The following TANGO6 variants were observed in gnomAD, a reference collection of about 807,000 sequenced individuals.
The protein encoded by TANGO6 is transport and golgi organization 6 homolog, also known as transport and Golgi organization protein 6 homolog.
TANGO6 carries 90 observed loss-of-function variants against 114.2 expected under a neutral mutation model. That is an observed-to-expected ratio of 0.79 (90% CI 0.66 to 0.94). The LOEUF (loss-of-function observed/expected upper bound fraction) is 0.94, where lower values mean the gene tolerates loss of function less well. TANGO6 is among the 40% of genes least tolerant of loss of function. The pLI is 0.00. For missense variants in TANGO6, 1,274 were observed against 1,315.3 expected, an observed-to-expected ratio of 0.97 and a Z score of 0.49; for synonymous variants, 477 against 509.8, an observed-to-expected ratio of 0.94 and a Z score of 0.87.
At chr16:69,074,812 G>GTGTA (rs1960348914) in intron 17 of TANGO6, among the ~76,000 whole-genome samples, 1 of 146,392 alleles carries the variant, frequency 6.8e-6, no homozygotes, top group Non-Finnish European at 1.5e-5. Context: ...GTGTGTGTGT[G>GTGTA]TGTGTGTGTG....
chr16:69,048,508 A>G (rs1959897419), intron 17 of TANGO6, among the ~76,000 whole-genome samples: 1 of 151,964 alleles, frequency 6.6e-6, no homozygotes, highest in Non-Finnish European at 1.5e-5. Flanking sequence ...GGCTCAAGCA[A>G]TCCTCCTGCC....
intron 7 of TANGO6, among the ~76,000 whole-genome samples, chr16:68,882,877 A>G (rs1962484728): frequency 1.3e-5 from 2 of 151,854 alleles, no homozygotes; most frequent in Non-Finnish European, 2.9e-5. Context: ...AATTAGCCGG[A>G]CGTTGTGGTA....
chr16:68,921,513 T>G (rs961070861), intron 12 of TANGO6, among the ~76,000 whole-genome samples: 1 of 151,926 alleles, frequency 6.6e-6, no homozygotes, highest in Admixed American at 6.6e-5. Flanking sequence ...CTTATTGGAT[T>G]TAGTTGGCCA....
intron 14 of TANGO6, among the ~76,000 whole-genome samples, chr16:68,934,587 G>T (rs1963281901): frequency 1.3e-5 from 2 of 152,118 alleles, no homozygotes; most frequent in South Asian, 4.1e-4. Context: ...AGATAGGCCT[G>T]GGGGTCCAGG....
At chr16:68,905,551 T>G (rs939384701) in intron 9 of TANGO6, among the ~76,000 whole-genome samples, 1 of 148,686 alleles carries the variant, frequency 6.7e-6, no homozygotes, top group African/African-American at 2.5e-5. Flanking sequence ...AAAAAAAAGT[T>G]AAAAAAATAG....
chr16:68,930,310 G>C lies in TANGO6; in HGVS notation c.2701+15G>C. On this transcript the variant is annotated intron_variant, in intron 14 of 17. Transcript: ENST00000261778. The stretch of plus-strand genomic sequence containing the variant: ...TGCAATTCAGGGTAAGTCAGTCCTG[G>C]TTAAAGGACTTTAAGTATGTGGACC... The C allele has an allele frequency of 6.5e-7, 1 of 1,547,130 alleles. No individual in the cohort carries two copies.
chr16:68,902,256 CT>C, intron 8 of TANGO6, 71 bp from the exon 9 acceptor site: 4 of 1,461,664 alleles, frequency 2.7e-6, no homozygotes, highest in Non-Finnish European at 2.8e-6. Flanking sequence ...GCCTTTCTTT[CT>C]TTTTTTATGT....
intron 15 of TANGO6, among the ~76,000 whole-genome samples, chr16:69,018,470 A>G (rs1959343955): frequency 6.6e-6 from 1 of 151,400 alleles, no homozygotes; most frequent in African/African-American, 2.4e-5. Context: ...AATGCAATAT[A>G]TCATAGGAGT....
At chr16:68,911,116 ATTTAT>A (rs1366355704) in intron 11 of TANGO6, among the ~76,000 whole-genome samples, 1 of 151,862 alleles carries the variant, frequency 6.6e-6, no homozygotes, top group Non-Finnish European at 1.5e-5. Flanking sequence ...AGACCCTATA[ATTTAT>A]TTTATTTTAT....
intron 17 of TANGO6, among the ~76,000 whole-genome samples, chr16:69,067,424 C>T (rs895765711): frequency 2.7e-5 from 4 of 149,344 alleles, no homozygotes; most frequent in Non-Finnish European, 5.9e-5. Context: ...GCAGGAGAAT[C>T]GCTTGAACCT....
chr16:69,070,608 G>C (rs554338968), intron 17 of TANGO6, among the ~76,000 whole-genome samples: 1 of 149,246 alleles, frequency 6.7e-6, no homozygotes, highest in Non-Finnish European at 1.5e-5. Context: ...ACTCCAGCCC[G>C]GGTGACAGAG....
At chr16:69,011,687 G>A (rs1030492824) in intron 15 of TANGO6, among the ~76,000 whole-genome samples, 2 of 152,064 alleles carry the variant, frequency 1.3e-5, no homozygotes, top group Non-Finnish European at 1.5e-5. Context: ...TGAACTCCTG[G>A]CCTCAAGCCA....
At chr16:68,912,464 T>C (rs1962936932) in intron 11 of TANGO6, among the ~76,000 whole-genome samples, 2 of 151,580 alleles carry the variant, frequency 1.3e-5, no homozygotes, top group African/African-American at 4.9e-5. Context: ...TGAAATCCCA[T>C]CTCTACTAAA....
chr16:69,017,549 C>T (rs1255764161), intron 15 of TANGO6, among the ~76,000 whole-genome samples: 1 of 152,136 alleles, frequency 6.6e-6, no homozygotes, highest in South Asian at 2.1e-4. Flanking sequence ...TTAACCACAA[C>T]AGCCTCCCAC....
chr16:68,994,309 T>G (rs948922676), intron 15 of TANGO6, among the ~76,000 whole-genome samples: 1 of 152,216 alleles, frequency 6.6e-6, no homozygotes, highest in Non-Finnish European at 1.5e-5. Context: ...AACATCCTTT[T>G]GCAAGTCTAA....
At chr16:68,946,661 C>T (rs1963417799) in intron 14 of TANGO6, among the ~76,000 whole-genome samples, 1 of 151,996 alleles carries the variant, frequency 6.6e-6, no homozygotes, top group African/African-American at 2.4e-5. Context: ...ACCACCATGC[C>T]CAGCTAATTT....
intron 12 of TANGO6, among the ~76,000 whole-genome samples, chr16:68,925,757 G>A (rs1963158482): frequency 6.6e-6 from 1 of 151,928 alleles, no homozygotes; most frequent in African/African-American, 2.4e-5. Context: ...TGACAGTTAG[G>A]TTTATGATCC....
chr16:69,072,122 C>CGTGTGTGT lies in TANGO6; in HGVS notation c.3109-11338_3109-11331dup, dbSNP rs10687062. Among the ~76,000 whole-genome samples, 1,147 of 116,598 alleles carry CGTGTGTGT rather than the reference C, an allele frequency of 9.8e-3. 44 individuals are homozygous for CGTGTGTGT. The highest frequency in any genetic ancestry group is 0.026 in the African/African-American group (739 of 28,224). 76.5% of individuals were successfully genotyped at this position (116,598 alleles called of 152,430 possible). A position where few individuals can be genotyped will look rare whatever the true frequency, so the allele number is the denominator to read the frequency against. ...TGTATGTGTGAAGAGAGAGGGAGAC[C>CGTGTGTGT]GTGTGTGTGTGTGTGTGTGTGTGTG... On this transcript the variant is annotated intron_variant, in intron 17 of 17. Coordinates refer to ENST00000261778, the MANE Select transcript of TANGO6 (RefSeq NM_024562.2).
chr16:69,080,545 G>A (rs982687904), intron 17 of TANGO6, among the ~76,000 whole-genome samples: 1 of 152,092 alleles, frequency 6.6e-6, no homozygotes, highest in Non-Finnish European at 1.5e-5. Context: ...GTGAGACCCT[G>A]TCTAAAAAAA....
Sources: gnomAD v4.1 joint callset for allele counts (sites outside exome capture counted in the v4.1 genomes callset) on GRCh38, gnomAD v4.1.1 for gene constraint, MANE v1.5 for transcripts, NCBI Gene and HGNC (gene_info 2026-07-23, HGNC 2026-07-21) for gene names.